Variants in ASZ1 observed in about 807,000 individuals in gnomAD.
ASZ1 encodes the protein ankyrin repeat, SAM and basic leucine zipper domain containing 1, also known as ankyrin repeat, SAM and basic leucine zipper domain-containing protein 1.
A neutral mutation model predicts 61.8 loss-of-function variants in ASZ1; 67 were observed. That is an observed-to-expected ratio of 1.08 (90% confidence interval 0.89 to 1.33). The LOEUF (loss-of-function observed/expected upper bound fraction) is 1.33. ASZ1 is among the 40% of genes most tolerant of loss of function. ASZ1 has a pLI of 0.00. For synonymous variants in ASZ1, 193 were observed against 192.7 expected, an observed-to-expected ratio of 1.00 and a Z score of -0.01; for missense variants, 577 against 554.5, an observed-to-expected ratio of 1.04 and a Z score of -0.41.
intron 4 of ASZ1, among the ~76,000 whole-genome samples, chr7:117,393,236 T>C (rs147164693): frequency 0.014 from 2,139 of 152,306 alleles, 53 homozygotes; most frequent in African/African-American, 0.049. Flanking sequence ...ATGTAAATTA[T>C]GTTAAAGTCA....
rs534746297 is a variant in ASZ1 at position 117,413,579 on chromosome 7, T to C, written c.440+6584A>G. ...TCCAAGAGATGCATAAGATGTAATTTGTGTCCTAGAGGCTTAATTTTAAAA... is the reference window on the plus strand; with the variant it reads ...TCCAAGAGATGCATAAGATGTAATTCGTGTCCTAGAGGCTTAATTTTAAAA... On this transcript the variant is annotated intron_variant, in intron 4 of 12. Coordinates refer to ENST00000284629, the MANE Select transcript of ASZ1 (RefSeq NM_130768.3). Among the ~76,000 whole-genome samples, 80 of 152,198 alleles carry C rather than the reference T, an allele frequency of 5.3e-4. 3 individuals are homozygous for C. The South Asian group carries it at 0.016, about 30-fold the overall frequency.
intron 4 of ASZ1, among the ~76,000 whole-genome samples, chr7:117,413,491 C>T (rs2116523001): frequency 6.6e-6 from 1 of 151,916 alleles, no homozygotes; most frequent in Admixed American, 6.6e-5. Context: ...CAAAATAAAC[C>T]AGTATTAAAT....
chr7:117,418,214 T>A (rs1056451076), intron 4 of ASZ1, among the ~76,000 whole-genome samples: 1 of 152,180 alleles, frequency 6.6e-6, no homozygotes, highest in African/African-American at 2.4e-5. Context: ...TCATGCCACT[T>A]CTAAAGGTAT....
chr7:117,379,154 TATATATATATATATACACAC>T (rs1278744551), intron 10 of ASZ1, among the ~76,000 whole-genome samples: 1 of 103,406 alleles, frequency 9.7e-6, no homozygotes, highest in African/African-American at 4.7e-5. Flanking sequence ...TATATATATA[TATATATATATATATACACAC>T]ACACACACAC....
At chr7:117,404,828 A>G (rs1445983131) in intron 4 of ASZ1, among the ~76,000 whole-genome samples, 1 of 152,148 alleles carries the variant, frequency 6.6e-6, no homozygotes, top group East Asian at 1.9e-4. Flanking sequence ...TTGGTGCCAT[A>G]GAAATGCTGC....
intron 12 of ASZ1, among the ~76,000 whole-genome samples, chr7:117,364,576 C>T (rs925063949): frequency 2.3e-4 from 35 of 152,022 alleles, no homozygotes; most frequent in African/African-American, 8.2e-4. Flanking sequence ...GAATCAGGCA[C>T]ATTTATAGAG....
At chr7:117,365,176 T>C (rs1584713902) in intron 12 of ASZ1, among the ~76,000 whole-genome samples, 1 of 152,298 alleles carries the variant, frequency 6.6e-6, no homozygotes, top group African/African-American at 2.4e-5. Context: ...CCCACTAGCT[T>C]GCTCCAAAAT....
rs192279501 is a variant in ASZ1 at position 117,425,563 on chromosome 7, C to T, written c.205+1273G>A. On this transcript the variant is annotated intron_variant, in intron 2 of 12. Transcript: ENST00000284629. ...GATTACAGGCGTGAGCCACCGCGCC[C>T]GGCCAGTAATTTCAATCATTATAAT... Among the ~76,000 whole-genome samples, 607 of 151,940 alleles carry T rather than the reference C, an allele frequency of 4.0e-3. 7 individuals carry two copies. The highest frequency in any genetic ancestry group is 0.012 in the African/African-American group (516 of 41,482).
rs921460983 is a variant in ASZ1 at position 117,370,143 on chromosome 7, T to C, written c.1056-1426A>G. Among the ~76,000 whole-genome samples, 10 of 152,108 alleles carry C rather than the reference T, an allele frequency of 6.6e-5. No homozygotes were observed. The East Asian group carries it at 1.7e-3, about 26-fold the overall frequency. The stretch of plus-strand genomic sequence containing the variant: ...TAAAGACTCATGAAGATAGATACAA[T>C]TCAGAGTCGGTGAACCTCAATGGGA... On this transcript the variant is annotated intron_variant, in intron 10 of 12. Transcript: ENST00000284629.
chr7:117,397,203 C>CTT, intron 4 of ASZ1, among the ~76,000 whole-genome samples: 1 of 152,100 alleles, frequency 6.6e-6, no homozygotes, highest in Non-Finnish European at 1.5e-5. Context: ...TAGTGAGACT[C>CTT]TGTCTCCGAA....
At chr7:117,367,861 G>T (rs1011444468) in intron 11 of ASZ1, 2 of 986,082 alleles carry the variant, frequency 2.0e-6, no homozygotes, top group African/African-American at 1.7e-5. Flanking sequence ...GAAATAAGCT[G>T]CTTTTGCAGG....
rs577860053 is a variant in ASZ1 at position 117,398,290 on chromosome 7, T to A, written c.441-12481A>T. Among the ~76,000 whole-genome samples the A allele has an allele frequency of 7.2e-4, 109 of 152,292 alleles. 1 individual carries two copies. The highest frequency in any genetic ancestry group is 1.5e-3 in the Non-Finnish European group (99 of 68,012). On this transcript the variant is annotated intron_variant, in intron 4 of 12. Transcript: ENST00000284629. ...CTCACGCTCAAGGCCTATCTTCCCA[T>A]AACACTATCACAATTATAAATACAC...
intron 4 of ASZ1, among the ~76,000 whole-genome samples, chr7:117,397,728 G>A (rs976746108): frequency 3.9e-5 from 6 of 152,284 alleles, no homozygotes; most frequent in Admixed American, 6.5e-5. Context: ...AGGATCAAAA[G>A]AAAAATCCCC....
intron 4 of ASZ1, among the ~76,000 whole-genome samples, chr7:117,407,903 C>G (rs553748849): frequency 1.3e-5 from 2 of 152,242 alleles, no homozygotes; most frequent in African/African-American, 4.8e-5. Context: ...AGATGACGAA[C>G]GGGCAGTTAG....
chr7:117,393,209 T>C (rs1355900024), intron 4 of ASZ1, among the ~76,000 whole-genome samples: 3 of 152,166 alleles, frequency 2.0e-5, no homozygotes, highest in Non-Finnish European at 4.4e-5. Flanking sequence ...ATAACTTCTG[T>C]TGAAAATAAT....
chr7:117,381,029 C>T lies in ASZ1; in HGVS notation c.927G>A (p.Arg309=), dbSNP rs1379944710. The T allele has an allele frequency of 1.3e-6, 2 of 1,596,792 alleles. No homozygotes were observed. Among genetic ancestry groups the T allele is most frequent in the South Asian group, 1.1e-5 (1 of 88,530 alleles). ...TACTAACCTTTGTAAATTCATCTTC[C>T]CTCATGGTCAAAAGATGTCTTAACG... The part of the protein sequence containing the change: ...DITLRHLLTM[R]EDEFTKNGIT... Residue 309 remains arginine, a synonymous_variant, in exon 9 of 13, where the codon AGG becomes AGA. Coordinates refer to ENST00000284629, the MANE Select transcript of ASZ1 (RefSeq NM_130768.3).
intron 7 of ASZ1, among the ~76,000 whole-genome samples, chr7:117,382,452 G>T (rs1021968473): frequency 1.6e-4 from 24 of 151,994 alleles, no homozygotes; most frequent in African/African-American, 5.6e-4. Context: ...CAGCTACTTG[G>T]GAGGCTGTGG....
At chr7:117,426,274 G>A (rs1316619647) in intron 2 of ASZ1, among the ~76,000 whole-genome samples, 1 of 150,220 alleles carries the variant, frequency 6.7e-6, no homozygotes, top group African/African-American at 2.5e-5. Flanking sequence ...AAGGTCAGAG[G>A]ATCGAGACTA....
intron 3 of ASZ1, among the ~76,000 whole-genome samples, chr7:117,421,860 T>C (rs1797105715): frequency 6.6e-6 from 1 of 152,208 alleles, no homozygotes; most frequent in Admixed American, 6.5e-5. Context: ...TCATGAACTA[T>C]CTTTGAAACA....
Sources: allele counts gnomAD v4.1 joint callset (sites outside exome capture counted in the v4.1 genomes callset), GRCh38; gene constraint gnomAD v4.1.1; transcripts MANE v1.5; gene names NCBI Gene and HGNC (gene_info 2026-07-23, HGNC 2026-07-21).